PKHD1: variants seen among roughly 807,000 people sequenced by gnomAD.
PKHD1 encodes the protein PKHD1 ciliary IPT domain containing fibrocystin/polyductin.
PKHD1 carries 291 observed loss-of-function variants against 412.0 expected under a neutral mutation model. The observed-to-expected ratio is 0.71, with a 90% CI of 0.64 to 0.78. The LOEUF is 0.78. Among genes scored for constraint, PKHD1 ranks in the 30% least tolerant of loss-of-function variants. The pLI, the probability that PKHD1 is intolerant of heterozygous loss-of-function variation, is 0.00. For synonymous variants in PKHD1, 1,777 were observed against 1,821.5 expected (o/e 0.98, Z 0.62); for missense variants, 4,825 against 4,950.7 (o/e 0.97, Z 0.76).
chr6:51,901,806 A>AT (rs1013639765), intron 43 of PKHD1, among the ~76,000 whole-genome samples: 3 of 152,066 alleles, frequency 2.0e-5, no homozygotes, highest in Admixed American at 6.6e-5. Context: ...TATGCATTGT[A>AT]TTTTTTTTCT....
At chr6:51,831,161 C>A (rs73442318) in intron 51 of PKHD1, among the ~76,000 whole-genome samples, 172 bp from the exon 52 acceptor site, 3 of 151,912 alleles carry the variant, frequency 2.0e-5, no homozygotes, top group Non-Finnish European at 4.4e-5. Context: ...TTATTCAATC[C>A]TTAGATTACC....
intron 60 of PKHD1, among the ~76,000 whole-genome samples, chr6:51,667,861 C>G (rs9395703): frequency 2.0e-5 from 3 of 149,810 alleles, no homozygotes; most frequent in South Asian, 2.1e-4. Context: ...GTTGTAGATA[C>G]GCGGCGTTAT....
intron 52 of PKHD1, among the ~76,000 whole-genome samples, chr6:51,819,625 G>C (rs922207507): frequency 6.6e-6 from 1 of 152,116 alleles, no homozygotes; most frequent in Non-Finnish European, 1.5e-5. Flanking sequence ...TATGTTCCAG[G>C]TGGGTCTCAG....
At chr6:51,944,533 C>A (rs1053828610) in intron 36 of PKHD1, among the ~76,000 whole-genome samples, 3 of 151,802 alleles carry the variant, frequency 2.0e-5, no homozygotes, top group African/African-American at 7.2e-5. Flanking sequence ...AGTGCTGTGG[C>A]CCTTACCTAA....
chr6:51,959,986 G>A lies in PKHD1; in HGVS notation c.5792C>T (p.Thr1931Ile), dbSNP rs1025114567. The change falls in exon 36 of 67, where the codon ACT (threonine) becomes ATT (isoleucine). Residue 1931 changes from threonine to isoleucine, a missense_variant. By Grantham distance (89) the Thr-to-Ile change is moderately conservative. Coordinates refer to ENST00000371117, the MANE Select transcript of PKHD1 (RefSeq NM_138694.4). ...SLQFCRRWSR[T>I]HSWFPERLPQ... ...CAGCCTTTCAGGAAACCAGCTGTGA[G>A]TCCTGGACCATCTCCGGCAGAACTG... is the stretch of plus-strand genomic sequence containing the variant. 6.2e-7 allele frequency: 1 copy of A among 1,613,532 alleles called. No homozygotes were observed. The highest frequency in any genetic ancestry group is 2.2e-5 in the East Asian group (1 of 44,862).
At chr6:51,956,305 CGTGT>C (rs3062566) in intron 36 of PKHD1, among the ~76,000 whole-genome samples, 92,443 of 150,164 alleles carry the variant, frequency 0.62, 28,730 homozygotes, top group East Asian at 0.82. Flanking sequence ...CTTATACATA[CGTGT>C]GTGTGTGTGT....
At chr6:51,961,322 C>A (rs1791991865) in intron 35 of PKHD1, among the ~76,000 whole-genome samples, 1 of 152,106 alleles carries the variant, frequency 6.6e-6, no homozygotes, top group Admixed American at 6.6e-5. Context: ...GTTGCAGACC[C>A]AACACAATCA....
intron 49 of PKHD1, among the ~76,000 whole-genome samples, chr6:51,851,248 G>A (rs956253271): frequency 9.9e-5 from 15 of 152,124 alleles, no homozygotes; most frequent in East Asian, 1.9e-4. Flanking sequence ...GGATGAAGCC[G>A]ACTTGATAAT....
chr6:51,984,677 T>C (rs1164747347), intron 35 of PKHD1, among the ~76,000 whole-genome samples: 1 of 152,204 alleles, frequency 6.6e-6, no homozygotes, highest in African/African-American at 2.4e-5. Flanking sequence ...CACTGGAGAA[T>C]GTAGGAGTAT....
At chr6:52,033,570 C>A (rs1245875189) in intron 28 of PKHD1, among the ~76,000 whole-genome samples, 1 of 151,874 alleles carries the variant, frequency 6.6e-6, no homozygotes, top group African/African-American at 2.4e-5. Flanking sequence ...CAGAAAATTT[C>A]TCTATGACAC....
At chr6:52,027,698 G>T in intron 31 of PKHD1, 131 bp downstream of exon 31, 1 of 724,902 alleles carries the variant, frequency 1.4e-6, no homozygotes, top group Non-Finnish European at 2.5e-6. Flanking sequence ...AGTTCCTGGA[G>T]CCCGAGGAAA....
chr6:51,998,040 G>C (rs1206702315), intron 35 of PKHD1, among the ~76,000 whole-genome samples: 2 of 152,210 alleles, frequency 1.3e-5, no homozygotes, highest in Non-Finnish European at 2.9e-5. Flanking sequence ...CATCAGTTAA[G>C]TCTGGCTAGA....
At chr6:51,755,089 T>C in intron 55 of PKHD1, 151 bp from the exon 56 acceptor site, 1 of 742,364 alleles carries the variant, frequency 1.3e-6, no homozygotes, top group Non-Finnish European at 2.4e-6. Context: ...GAAAAAGGCT[T>C]TCGCAAACAG....
At chr6:51,928,627 C>CA (rs5876244) in intron 37 of PKHD1, among the ~76,000 whole-genome samples, 58,435 of 151,980 alleles carry the variant, frequency 0.38, 12,031 homozygotes, top group East Asian at 0.76. Flanking sequence ...GTAACTCTAG[C>CA]GGACTTTGGG....
intron 36 of PKHD1, among the ~76,000 whole-genome samples, chr6:51,943,779 C>T (rs974800677): frequency 3.3e-5 from 5 of 151,270 alleles, no homozygotes; most frequent in Non-Finnish European, 4.4e-5. Flanking sequence ...TTCTAACAAC[C>T]CCACAATATC....
chr6:51,721,899 A>T (rs1045321834), intron 60 of PKHD1: 110 of 1,605,226 alleles, frequency 6.9e-5, no homozygotes, highest in Non-Finnish European at 8.9e-5. Context: ...AAGTCTTTCC[A>T]TTTGGTCCAT....
At chr6:52,044,039 T>C (rs1581917086) in intron 25 of PKHD1, among the ~76,000 whole-genome samples, 1 of 152,330 alleles carries the variant, frequency 6.6e-6, no homozygotes, top group African/African-American at 2.4e-5. Flanking sequence ...GGACTTCTTA[T>C]CACTCTGTAT....
At chr6:51,649,341 AT>A in intron 61 of PKHD1, 121 bp from the exon 62 acceptor site, 1 of 761,188 alleles carries the variant, frequency 1.3e-6, no homozygotes, top group Non-Finnish European at 2.3e-6. Context: ...TTTCTAGAAA[AT>A]AATACATTGT....
intron 60 of PKHD1, among the ~76,000 whole-genome samples, chr6:51,682,745 G>A (rs113737614): frequency 1.7e-4 from 26 of 151,952 alleles, no homozygotes; most frequent in African/African-American, 5.8e-4. Flanking sequence ...GAAAGCCTAG[G>A]GGAGTCTTAC....
Sources: gnomAD v4.1 joint callset for allele counts (sites outside exome capture counted in the v4.1 genomes callset) on GRCh38, gnomAD v4.1.1 for gene constraint, MANE v1.5 for transcripts, NCBI Gene and HGNC (gene_info 2026-07-23, HGNC 2026-07-21) for gene names.